SLC4A4: variants seen among roughly 807,000 people sequenced by gnomAD.
SLC4A4 encodes electrogenic sodium bicarbonate cotransporter 1.
SLC4A4 carries 27 observed loss-of-function variants against 111.5 expected under a neutral mutation model. That is an observed-to-expected ratio of 0.24 (90% CI 0.18 to 0.33). The LOEUF (loss-of-function observed/expected upper bound fraction) is 0.33. SLC4A4 is among the 10% of genes least tolerant of loss of function. The pLI is 1.00. For synonymous variants in SLC4A4, 443 were observed against 463.4 expected (o/e 0.96, Z 0.57); for missense variants, 909 against 1,315.5 (o/e 0.69, Z 4.78).
intron 5 of SLC4A4, among the ~76,000 whole-genome samples, chr4:71,353,688 C>T (rs1730044602): frequency 6.6e-6 from 1 of 152,124 alleles, no homozygotes; most frequent in Non-Finnish European, 1.5e-5. Flanking sequence ...GAATTATGCA[C>T]AGCTAAATCT....
At chr4:71,148,433 A>C (rs2148970564) in intron 2 of SLC4A4, among the ~76,000 whole-genome samples, 1 of 152,266 alleles carries the variant, frequency 6.6e-6, no homozygotes, top group East Asian at 1.9e-4. Flanking sequence ...GTACATGTGC[A>C]AGTTTGTTAT....
chr4:71,476,803 AG>A (rs1368923760), intron 14 of SLC4A4, among the ~76,000 whole-genome samples: 2 of 151,848 alleles, frequency 1.3e-5, no homozygotes, highest in African/African-American at 4.8e-5. Context: ...AAGTGCTAGT[AG>A]GAAAATCAGT....
chr4:71,408,852 A>G (rs1444962386), intron 7 of SLC4A4, among the ~76,000 whole-genome samples: 1 of 152,204 alleles, frequency 6.6e-6, no homozygotes. Context: ...CCCAAATCTC[A>G]ACTTGAATTG....
At chr4:71,546,048 A>G (rs1434508368) in intron 18 of SLC4A4, among the ~76,000 whole-genome samples, 1 of 152,056 alleles carries the variant, frequency 6.6e-6, no homozygotes, top group Non-Finnish European at 1.5e-5. Flanking sequence ...TTCTGATTAG[A>G]AAATTGTATA....
chr4:71,215,981 T>G (rs1325365512), intron 1 of SLC4A4, among the ~76,000 whole-genome samples: 2 of 151,574 alleles, frequency 1.3e-5, no homozygotes, highest in African/African-American at 2.4e-5. Flanking sequence ...CTTGGCTAAT[T>G]GCATCTTCCG....
intron 24 of SLC4A4, among the ~76,000 whole-genome samples, chr4:71,564,507 G>T (rs1001761290): frequency 1.3e-5 from 2 of 151,802 alleles, no homozygotes; most frequent in Admixed American, 1.3e-4. Flanking sequence ...GGTGACTACG[G>T]TGCAATGGTT....
intron 3 of SLC4A4, among the ~76,000 whole-genome samples, chr4:71,286,709 G>A (rs980641694): frequency 6.6e-6 from 1 of 152,118 alleles, no homozygotes; most frequent in Non-Finnish European, 1.5e-5. Context: ...TGTGTGGTTA[G>A]TATTTTTATT....
chr4:71,270,902 GAACA>G (rs1431279435), intron 3 of SLC4A4, among the ~76,000 whole-genome samples: 1 of 152,160 alleles, frequency 6.6e-6, no homozygotes, highest in African/African-American at 2.4e-5. Context: ...AAAAGCAAAA[GAACA>G]AATTAGCTTG....
At chr4:71,122,097 C>G (rs1743448055) in intron 2 of SLC4A4, among the ~76,000 whole-genome samples, 1 of 151,988 alleles carries the variant, frequency 6.6e-6, no homozygotes, top group Admixed American at 6.6e-5. Flanking sequence ...GGAACAAACT[C>G]CGGACACACC....
intron 2 of SLC4A4, among the ~76,000 whole-genome samples, chr4:71,145,790 G>C (rs1342564954): frequency 6.6e-6 from 1 of 152,124 alleles, no homozygotes; most frequent in Non-Finnish European, 1.5e-5. Flanking sequence ...GATCGGTGGT[G>C]ATATCCCCTT....
At chr4:71,516,739 C>T (rs1170415114) in intron 16 of SLC4A4, among the ~76,000 whole-genome samples, 2 of 152,182 alleles carry the variant, frequency 1.3e-5, no homozygotes, top group Non-Finnish European at 2.9e-5. Context: ...TGCTTTCTTC[C>T]TTATCTGTGC....
chr4:71,407,050 A>G (rs1720918908), intron 7 of SLC4A4, among the ~76,000 whole-genome samples: 1 of 152,142 alleles, frequency 6.6e-6, no homozygotes, highest in Non-Finnish European at 1.5e-5. Context: ...ATAGAGCTGC[A>G]TCCTGGTCCT....
chr4:71,240,978 T>C (rs1720165412), intron 2 of SLC4A4, among the ~76,000 whole-genome samples: 1 of 151,110 alleles, frequency 6.6e-6, no homozygotes, highest in African/African-American at 2.4e-5. Flanking sequence ...AAAAAATAGC[T>C]GGGTGTTGTG....
chr4:71,300,115 T>G (rs1725109861), intron 3 of SLC4A4: 1 of 158,868 alleles, frequency 6.3e-6, no homozygotes, highest in Non-Finnish European at 1.5e-5. Context: ...GAGAATAACC[T>G]GACTCCTCTC....
At chr4:71,354,041 C>CT (rs1730076365) in intron 5 of SLC4A4, among the ~76,000 whole-genome samples, 1 of 152,172 alleles carries the variant, frequency 6.6e-6, no homozygotes, top group Non-Finnish European at 1.5e-5. Flanking sequence ...AAAAATTTAT[C>CT]TTTAAAGTAT....
intron 1 of SLC4A4, among the ~76,000 whole-genome samples, chr4:71,091,141 T>G (rs1161897700): frequency 6.6e-6 from 1 of 152,094 alleles, no homozygotes; most frequent in Non-Finnish European, 1.5e-5. Context: ...AGAGATGAGG[T>G]TTCACCATGT....
At chr4:71,194,250 T>A (rs1320419194) in intron 1 of SLC4A4, among the ~76,000 whole-genome samples, 1 of 152,226 alleles carries the variant, frequency 6.6e-6, no homozygotes, top group Non-Finnish European at 1.5e-5. Context: ...GATAAAGTGA[T>A]CTTTATGAAA....
intron 6 of SLC4A4, among the ~76,000 whole-genome samples, chr4:71,363,780 A>G (rs1731010431): frequency 6.6e-6 from 1 of 152,196 alleles, no homozygotes; most frequent in African/African-American, 2.4e-5. Context: ...CATAGCACAG[A>G]TGAATGTCCT....
At chr4:71,346,746 T>C (rs1729366293) in intron 4 of SLC4A4, among the ~76,000 whole-genome samples, 2 of 152,150 alleles carry the variant, frequency 1.3e-5, no homozygotes. Context: ...GGAATGAAAC[T>C]ACCTGAAAAT....
Sources: gnomAD v4.1 joint callset for allele counts (sites outside exome capture counted in the v4.1 genomes callset) on GRCh38, gnomAD v4.1.1 for gene constraint, MANE v1.5 for transcripts, NCBI Gene and HGNC (gene_info 2026-07-23, HGNC 2026-07-21) for gene names.